The following EVA1B variants were observed in gnomAD, a reference collection of about 807,000 sequenced individuals.
EVA1B encodes the protein eva-1 homolog B, also known as protein eva-1 homolog B.
EVA1B carries 2 observed loss-of-function variants against 4.6 expected under a neutral mutation model. The ratio of observed to expected loss-of-function variants is 0.43; its 90% CI spans 0.18 to 1.37. The LOEUF (loss-of-function observed/expected upper bound fraction) is 1.37. Ranked by LOEUF, EVA1B falls within the 40% of genes most tolerant of loss-of-function variation. EVA1B has a pLI of 0.28. For synonymous variants in EVA1B, 124 were observed against 115.8 expected, an observed-to-expected ratio of 1.07 and a Z score of -0.46; for missense variants, 263 against 240.4, an observed-to-expected ratio of 1.09 and a Z score of -0.62.
At chr1:36,323,188 T>A in intron 1 of EVA1B, 121 bp from the exon 2 acceptor site, 1 of 808,042 alleles carries the variant, frequency 1.2e-6, no homozygotes, top group Non-Finnish European at 1.8e-6. Context: ...AGCGCTTCCC[T>A]AACTTCGTGG....
At chr1:36,324,004 G>C (rs1358293355), upstream of EVA1B, 1 of 152,282 alleles carries the variant, frequency 6.6e-6, no homozygotes, top group Non-Finnish European at 1.5e-5. Context: ...ATTTGAATCT[G>C]CTGCTCTCTG....
chr1:36,323,175 G>A, intron 1 of EVA1B, 108 bp from the exon 2 acceptor site: 1 of 932,414 alleles, frequency 1.1e-6, no homozygotes, highest in East Asian at 3.1e-5. Context: ...CCACCCTGGA[G>A]AGAGCGCTTC....
Position 36,323,470 on chromosome 1 carries a change from C to T in EVA1B, c.-42G>A, listed in dbSNP as rs1646503963. ...CCAGGCCCACTCACCGTCAGCGCCC[C>T]GCTTCCCGGCTGCCCGGCCCCAGCG... is the stretch of plus-strand genomic sequence containing the variant. On this transcript the variant is annotated 5_prime_UTR_variant, in exon 1 of 3. Coordinates refer to ENST00000490466, the MANE Select transcript of EVA1B (RefSeq NM_001304762.2). 6.5e-6 allele frequency: 1 copy of T among 153,812 alleles called. No homozygotes were observed. The highest frequency in any genetic ancestry group is 2.4e-5 in the African/African-American group (1 of 41,502). The allele number at this position is 153,812 out of a possible 1,614,324, so 9.5% of individuals were successfully genotyped here.
At position 36,322,511 on chromosome 1, in the gene EVA1B, C is replaced by G. The variant is rs1646482908; in HGVS notation, c.282G>C (p.Thr94=). ...DTVTRLGPDD[T]LPGPELSAEP... is the part of the protein sequence containing the mutation. ...CTGCGGACAGCTCGGGGCCCGGCAG[C>G]GTGTCGTCGGGGCCCAGCCGAGTCA... Residue 94 remains threonine (T), a synonymous_variant, in exon 3 of 3, where the codon ACG becomes ACC. Coordinates refer to ENST00000490466, the MANE Select transcript of EVA1B (RefSeq NM_001304762.2). 1 of 1,601,584 alleles carries G rather than the reference C, an allele frequency of 6.2e-7. No homozygotes were observed. Among genetic ancestry groups the G allele is most frequent in the Admixed American group, 1.7e-5 (1 of 59,728 alleles).
Position 36,322,078 on chromosome 1 carries a change from G to T in EVA1B, c.*217C>A. On this transcript the variant is annotated 3_prime_UTR_variant, in exon 3 of 3. Coordinates refer to ENST00000490466, the MANE Select transcript of EVA1B (RefSeq NM_001304762.2). ...CATTTGGTCACTTCACCTCTTCATC[G>T]ACCCCAGAGAGGGAGTGGGGACCCT... is the stretch of plus-strand genomic sequence containing the variant. 1 of 1,344,778 alleles carries T rather than the reference G, an allele frequency of 7.4e-7. No homozygotes were observed. Among genetic ancestry groups the T allele is most frequent in the Non-Finnish European group, 9.5e-7 (1 of 1,052,976 alleles). The allele number at this position is 1,344,778 out of a possible 1,614,324, so 83.3% of individuals were successfully genotyped here.
At chr1:36,323,323 C>T (rs1415267348) in intron 1 of EVA1B, 136 bp downstream of exon 1, 3 of 399,970 alleles carry the variant, frequency 7.5e-6, no homozygotes, top group Non-Finnish European at 1.3e-5. Flanking sequence ...AGGCCCGGTT[C>T]CGCCGTCCCG....
Position 36,322,391 on chromosome 1 carries a change from C to T in EVA1B, c.402G>A (p.Glu134=). 1 of 1,597,584 alleles carries T rather than the reference C, an allele frequency of 6.3e-7. No individual in the cohort carries two copies. The highest frequency in any genetic ancestry group is 8.5e-7 in the Non-Finnish European group (1 of 1,178,450). Residue 134 remains glutamate (E), a synonymous_variant, in exon 3 of 3, where the codon GAG becomes GAA. Coordinates refer to ENST00000490466, the MANE Select transcript of EVA1B (RefSeq NM_001304762.2). ...GGTCCGGCTGCCCGGTGCGCCAGATCTCCCGCAGGATCCGTTCGCGCTCCT... is the reference window on the plus strand; with the variant it reads ...GGTCCGGCTGCCCGGTGCGCCAGATTTCCCGCAGGATCCGTTCGCGCTCCT... The part of the protein sequence containing the change: ...RLEERERILR[E]IWRTGQPDLL...
chr1:36,322,168 G>C lies in EVA1B; in HGVS notation c.*127C>G, dbSNP rs1222854986. On this transcript the variant is annotated 3_prime_UTR_variant, in exon 3 of 3. Coordinates refer to ENST00000490466, the MANE Select transcript of EVA1B (RefSeq NM_001304762.2). ...GACTGGGGAAGGGAGCCTCTCAGGG[G>C]GTGGCGGTCCACGCCCAGTAGCACC... The C allele has an allele frequency of 7.4e-6, 10 of 1,353,374 alleles. No homozygotes were observed. Among genetic ancestry groups the C allele is most frequent in the African/African-American group, 1.5e-5 (1 of 64,938 alleles). 83.8% of individuals were successfully genotyped at this position (1,353,374 alleles called of 1,614,324 possible).
chr1:36,322,960 C>T lies in EVA1B; in HGVS notation c.67+11G>A, dbSNP rs903447766. Reference sequence around the variant, plus strand: ...GGTTCAGGCCCCCAGTCTTCCGGCGCCCGCCCTCACCGCGGATGTGCGCGT... The same window carrying T: ...GGTTCAGGCCCCCAGTCTTCCGGCGTCCGCCCTCACCGCGGATGTGCGCGT... On this transcript the variant is annotated intron_variant, in intron 2 of 2. Coordinates refer to ENST00000490466, the MANE Select transcript of EVA1B (RefSeq NM_001304762.2). 2.5e-6 allele frequency: 4 copies of T among 1,606,400 alleles called. No individual in the cohort carries two copies. The highest frequency in any genetic ancestry group is 2.7e-5 in the African/African-American group (2 of 74,528).
chr1:36,322,697 G>A lies in EVA1B; in HGVS notation c.96C>T (p.Phe32=), dbSNP rs1453634251. Residue 32 remains phenylalanine (F), a synonymous_variant, in exon 3 of 3, where the codon TTC becomes TTT. Transcript: ENST00000490466. The part of the protein sequence containing the change: ...RANPESFGLY[F]VLGVCFGLLL... The stretch of plus-strand genomic sequence containing the variant: ...GCAGGCCGAAGCAGACGCCCAGCAC[G>A]AAGTAGAGGCCGAAGCTCTCGGGGT... 2 of 1,547,310 alleles carry A rather than the reference G, an allele frequency of 1.3e-6. No individual in the cohort carries two copies. The highest frequency in any genetic ancestry group is 1.4e-5 in the African/African-American group (1 of 72,964).
At position 36,322,497 on chromosome 1, in the gene EVA1B, T is replaced by C; in HGVS notation, c.296A>G (p.Glu99Gly). Residue 99 changes from glutamate (E) to glycine (G), a missense_variant, in exon 3 of 3, where the codon GAG (glutamate) becomes GGG (glycine). Coordinates refer to ENST00000490466, the MANE Select transcript of EVA1B (RefSeq NM_001304762.2). ...LGPDDTLPGP[E>G]LSAEPDGPLN... ...GGGCCCGTCCGGCTCTGCGGACAGCTCGGGGCCCGGCAGCGTGTCGTCGGG... is the reference window on the plus strand; with the variant it reads ...GGGCCCGTCCGGCTCTGCGGACAGCCCGGGGCCCGGCAGCGTGTCGTCGGG... The C allele has an allele frequency of 6.2e-7, 1 of 1,602,856 alleles. No individual in the cohort carries two copies. Among genetic ancestry groups the C allele is most frequent in the Middle Eastern group, 1.7e-4 (1 of 5,840 alleles).
At chr1:36,323,357 C>T (rs867425874) in intron 1 of EVA1B, 102 bp downstream of exon 1, 15 of 302,068 alleles carry the variant, frequency 5.0e-5, no homozygotes, top group Middle Eastern at 9.3e-4. Flanking sequence ...GATAGGGACG[C>T]TGAGCCTCCA....
Position 36,323,343 on chromosome 1 carries a change from G to A in EVA1B, c.-31+116C>T, listed in dbSNP as rs1134720. 7.7e-3 allele frequency: 2,687 copies of A among 348,184 alleles called. 67 individuals carry two copies. The highest frequency in any genetic ancestry group is 0.053 in the African/African-American group (2,426 of 46,002). The allele number at this position is 348,184 out of a possible 1,614,324, so 21.6% of individuals were successfully genotyped here. A position where few individuals can be genotyped will look rare whatever the true frequency, so the allele number is the denominator to read the frequency against. On this transcript the variant is annotated intron_variant, in intron 1 of 2. Coordinates refer to ENST00000490466, the MANE Select transcript of EVA1B (RefSeq NM_001304762.2). ...CGGTTCCGCCGTCCCGGGGCGGGAT[G>A]GAGGATAGGGACGCTGAGCCTCCAC...
chr1:36,322,099 A>G lies in EVA1B; in HGVS notation c.*196T>C. 1 of 1,356,722 alleles carries G rather than the reference A, an allele frequency of 7.4e-7. No homozygotes were observed. The highest frequency in any genetic ancestry group is 1.8e-5 in the South Asian group (1 of 56,382). 84.0% of individuals were successfully genotyped at this position (1,356,722 alleles called of 1,614,324 possible). A position where few individuals can be genotyped will look rare whatever the true frequency, so the allele number is the denominator to read the frequency against. On this transcript the variant is annotated 3_prime_UTR_variant, in exon 3 of 3. Transcript: ENST00000490466. ...CATCGACCCCAGAGAGGGAGTGGGG[A>G]CCCTGCATGCTGCCCCCTCCCCGCC...
At chr1:36,322,943 C>T (rs1338484230) in intron 2 of EVA1B, 28 bp downstream of exon 2, 8 of 1,605,668 alleles carry the variant, frequency 5.0e-6, no homozygotes, top group Non-Finnish European at 6.8e-6. Flanking sequence ...AGGGTTCAGG[C>T]CCCCAGTCTT....
upstream of EVA1B, chr1:36,323,743 G>T (rs1221650958): frequency 6.6e-6 from 1 of 152,146 alleles, no homozygotes; most frequent in Non-Finnish European, 1.5e-5. Flanking sequence ...GGGAGAGCCC[G>T]GCCCGCGGGC....
At chr1:36,323,398 GC>G (rs1646502346) in intron 1 of EVA1B, 60 bp downstream of exon 1, 2 of 196,260 alleles carry the variant, frequency 1.0e-5, no homozygotes, top group East Asian at 1.3e-4. Context: ...AAGGGAAGCT[GC>G]CTCTCTCCTC....
Position 36,322,985 on chromosome 1 carries a change from T to C in EVA1B, c.53A>G (p.Tyr18Cys). ...CCCGCCCTCACCGCGGATGTGCGCGTAGGCAGCCAGGCTGTTGCTGAGCAA... is the reference window on the plus strand; with the variant it reads ...CCCGCCCTCACCGCGGATGTGCGCGCAGGCAGCCAGGCTGTTGCTGAGCAA... ...MELLSNSLAA[Y>C]AHIRANPESF... Residue 18 changes from tyrosine (Y) to cysteine (C), a missense_variant, in exon 2 of 3, where the codon TAC becomes TGC. Transcript: ENST00000490466. 1.9e-6 allele frequency: 3 copies of C among 1,605,902 alleles called. No individual in the cohort carries two copies. The highest frequency in any genetic ancestry group is 2.5e-6 in the Non-Finnish European group (3 of 1,177,158).
At chr1:36,323,826 C>G (rs1426089949), upstream of EVA1B, 1 of 152,282 alleles carries the variant, frequency 6.6e-6, no homozygotes, top group Non-Finnish European at 1.5e-5. Context: ...ACAGCAACAA[C>G]AGAGAGGCTG....
Sources: allele counts gnomAD v4.1 joint callset, GRCh38; gene constraint gnomAD v4.1.1; transcripts MANE v1.5; gene names NCBI Gene and HGNC (gene_info 2026-07-23, HGNC 2026-07-21).